PCDHA2: variants seen among roughly 807,000 people sequenced by gnomAD.
PCDHA2 encodes protocadherin alpha 2.
A neutral mutation model predicts 66.0 loss-of-function variants in PCDHA2; 58 were observed. That is an observed-to-expected ratio of 0.88 (90% CI 0.71 to 1.09). The LOEUF is 1.09. Among genes scored for constraint, PCDHA2 ranks in the 50% least tolerant of loss-of-function variants. The pLI is 0.00. For missense variants in PCDHA2, 1,267 were observed against 1,242.3 expected (o/e 1.02, Z -0.30); for synonymous variants, 634 against 554.0 (o/e 1.14, Z -2.03).
intron 1 of PCDHA2, among the ~76,000 whole-genome samples, chr5:140,957,264 A>G (rs1554222901): frequency 1.3e-5 from 2 of 152,198 alleles, no homozygotes; most frequent in African/African-American, 2.4e-5. Flanking sequence ...ATATGTAAGC[A>G]CTAGTCCCCC....
chr5:140,838,939 AAAAT>A lies in PCDHA2; in HGVS notation c.2388+41591_2388+41594del, dbSNP rs140008993. 4.7e-3 allele frequency among the ~76,000 whole-genome samples: 708 copies of A among 152,118 alleles called. 10 individuals are homozygous for A. The highest frequency in any genetic ancestry group is 5.1e-3 in the Non-Finnish European group (345 of 67,986). ...CAAAAATAAAATAAAATGAAATAATAAAATAAAATAAAATAAAAACCCAGAACTG... is the reference window on the plus strand; with the variant it reads ...CAAAAATAAAATAAAATGAAATAATAAAAATAAAATAAAAACCCAGAACTG... On this transcript the variant is annotated intron_variant, in intron 1 of 3. Coordinates refer to ENST00000526136, the MANE Select transcript of PCDHA2 (RefSeq NM_018905.3).
chr5:140,815,203 G>A (rs1390134437), intron 1 of PCDHA2: 1 of 152,036 alleles, frequency 6.6e-6, no homozygotes, highest in East Asian at 1.9e-4. Flanking sequence ...ATTATTGATA[G>A]GGCATAACTT....
intron 1 of PCDHA2, chr5:140,884,195 C>T: frequency 6.2e-7 from 1 of 1,613,394 alleles, no homozygotes; most frequent in Non-Finnish European, 8.5e-7. Flanking sequence ...GGTGGACGCG[C>T]CGCACCACCG....
chr5:140,868,980 G>T (rs2050777662), intron 1 of PCDHA2: 5 of 1,489,988 alleles, frequency 3.4e-6, no homozygotes, highest in South Asian at 1.4e-5. Context: ...CCATCATACC[G>T]GATGCCACCG....
intron 1 of PCDHA2, among the ~76,000 whole-genome samples, chr5:140,891,498 G>C (rs566885852): frequency 6.6e-6 from 1 of 151,186 alleles, no homozygotes; most frequent in East Asian, 1.9e-4. Flanking sequence ...CATATCCTCA[G>C]CTATAATGTT....
intron 1 of PCDHA2, chr5:140,829,644 A>T (rs1770465751): frequency 6.2e-7 from 1 of 1,612,124 alleles, no homozygotes; most frequent in South Asian, 1.1e-5. Flanking sequence ...GGCAAGGTGT[A>T]CGCGCTGCAG....
At chr5:140,945,838 G>A (rs1415502139) in intron 1 of PCDHA2, among the ~76,000 whole-genome samples, 2 of 151,896 alleles carry the variant, frequency 1.3e-5, no homozygotes, top group African/African-American at 4.8e-5. Context: ...AACTCAAAAT[G>A]GATTAAAGAC....
At chr5:140,951,544 G>C (rs543008494) in intron 1 of PCDHA2, among the ~76,000 whole-genome samples, 1 of 151,878 alleles carries the variant, frequency 6.6e-6, no homozygotes, top group African/African-American at 2.4e-5. Context: ...AGCAAGGGAC[G>C]GGGGGAAGTG....
chr5:140,860,649 A>T (rs1256237065), intron 1 of PCDHA2: 2 of 152,282 alleles, frequency 1.3e-5, no homozygotes, highest in Non-Finnish European at 2.9e-5. Context: ...GAAGAAGATA[A>T]GTGAAATAAT....
At chr5:140,882,607 T>C (rs1313419888) in intron 1 of PCDHA2, 35 of 1,614,242 alleles carry the variant, frequency 2.2e-5, no homozygotes, top group Non-Finnish European at 3.0e-5. Flanking sequence ...TGGACAGGCC[T>C]CTGCAGGTTT....
Position 140,857,707 on chromosome 5 carries a change from C to T in PCDHA2, c.2388+60355C>T, listed in dbSNP as rs1554150544. Reference sequence around the variant, plus strand: ...GCAGCAACTTGACGCTGCAGGTGTTCGTGCTGGACGAGAACGACAACGCTC... The same window carrying T: ...GCAGCAACTTGACGCTGCAGGTGTTTGTGCTGGACGAGAACGACAACGCTC... On this transcript the variant is annotated intron_variant, in intron 1 of 3. Coordinates refer to ENST00000526136, the MANE Select transcript of PCDHA2 (RefSeq NM_018905.3). 3.1e-6 allele frequency: 5 copies of T among 1,597,080 alleles called. 1 individual carries two copies. Among genetic ancestry groups the T allele is most frequent in the East Asian group, 2.2e-5 (1 of 44,802 alleles).
At chr5:140,996,495 G>A (rs2097728470) in intron 3 of PCDHA2, among the ~76,000 whole-genome samples, 2 of 152,156 alleles carry the variant, frequency 1.3e-5, no homozygotes, top group South Asian at 4.1e-4. Context: ...GGCAAGTCTG[G>A]CTTCTTGGGG....
At chr5:140,919,982 G>GA (rs35005979) in intron 1 of PCDHA2, among the ~76,000 whole-genome samples, 49,705 of 152,056 alleles carry the variant, frequency 0.33, 8,403 homozygotes, top group East Asian at 0.53. Flanking sequence ...GATAGAAGAT[G>GA]GAAAACAGAC....
intron 1 of PCDHA2, chr5:140,807,684 C>A (rs782583674): frequency 1.9e-6 from 3 of 1,614,118 alleles, no homozygotes; most frequent in Non-Finnish European, 2.5e-6. Context: ...GGGGAGAACG[C>A]CCTGCTCACT....
chr5:140,848,508 A>G, intron 1 of PCDHA2: 1 of 1,589,692 alleles, frequency 6.3e-7, no homozygotes, highest in Non-Finnish European at 8.6e-7. Flanking sequence ...GTTATACTCA[A>G]GTCGAGGAGA....
intron 1 of PCDHA2, chr5:140,808,534 C>T (rs782551225): frequency 2.3e-5 from 37 of 1,614,028 alleles, no homozygotes; most frequent in Non-Finnish European, 3.1e-5. Context: ...CTGATGTGAA[C>T]GACAACGCTC....
intron 1 of PCDHA2, among the ~76,000 whole-genome samples, chr5:140,899,543 G>C (rs1231734616): frequency 1.3e-5 from 2 of 152,144 alleles, no homozygotes; most frequent in Non-Finnish European, 2.9e-5. Flanking sequence ...CTTGATCATG[G>C]TGGATAAGCT....
At chr5:140,825,851 A>T (rs1399797049) in intron 1 of PCDHA2, 3 of 151,876 alleles carry the variant, frequency 2.0e-5, no homozygotes, top group African/African-American at 7.3e-5. Context: ...CATGATACAA[A>T]CTCCCCTCTT....
intron 1 of PCDHA2, chr5:140,858,461 C>G: frequency 1.3e-6 from 2 of 1,524,640 alleles, no homozygotes; most frequent in Non-Finnish European, 1.8e-6. Flanking sequence ...TTTCATTTTC[C>G]TTTTGTGCTT....
Sources: gnomAD v4.1 joint callset for allele counts (sites outside exome capture counted in the v4.1 genomes callset) on GRCh38, gnomAD v4.1.1 for gene constraint, MANE v1.5 for transcripts, NCBI Gene and HGNC (gene_info 2026-07-23, HGNC 2026-07-21) for gene names.